The following SP3 variants were observed in gnomAD, a reference collection of about 807,000 sequenced individuals.
SP3 encodes the protein transcription factor Sp3.
In SP3, 10 loss-of-function variants were observed where a neutral mutation model predicts 70.3. The observed-to-expected ratio is 0.14, with a 90% CI of 0.09 to 0.24. SP3 has a LOEUF of 0.24. Ranked by LOEUF, SP3 falls within the 10% of genes least tolerant of loss-of-function variation. The pLI is 1.00. For missense variants in SP3, 825 were observed against 914.6 expected (o/e 0.90, Z 1.26); for synonymous variants, 402 against 333.5 (o/e 1.21, Z -2.24).
At chr2:173,917,470 T>C (rs1689642837) in intron 5 of SP3, among the ~76,000 whole-genome samples, 1 of 152,104 alleles carries the variant, frequency 6.6e-6, no homozygotes, top group South Asian at 2.1e-4. Flanking sequence ...TCAACCTCTC[T>C]ATGTCTCACT....
chr2:173,955,318 T>C lies in SP3; in HGVS notation c.1194A>G (p.Leu398=), dbSNP rs768407203. ...VSTAQPVVQH[L]QLQESQQPTS... is the part of the protein sequence containing the mutation. ...TTGGCTGCTGAGACTCTTGAAGTTG[T>C]AGATGCTGTACAACAGGCTGTGCTG... is the stretch of plus-strand genomic sequence containing the variant. The change falls in exon 4 of 7, where the codon CTA becomes CTG. Residue 398 remains leucine (L), a synonymous_variant. Transcript: ENST00000310015. The C allele has an allele frequency of 2.5e-6, 4 of 1,613,986 alleles. No homozygotes were observed. The highest frequency in any genetic ancestry group is 2.2e-5 in the South Asian group (2 of 91,088).
rs1489707697 is a variant in SP3 at position 173,902,295 on chromosome 2, GT to G, written c.*7645del. Among the ~76,000 whole-genome samples, 15 of 152,164 alleles carry G rather than the reference GT, an allele frequency of 9.9e-5. No homozygotes were observed. Among genetic ancestry groups the G allele is most frequent in the Non-Finnish European group, 8.8e-5 (6 of 67,980 alleles). On this transcript the variant is annotated 3_prime_UTR_variant, in exon 7 of 7. Transcript: ENST00000310015. ...TCAAATCCCAAAACAAAATTTCATT[GT>G]TATTCATTGGAAAAAACATATCTGC...
rs34063529 is a variant in SP3, at chr2:173,953,784, C to CA, written c.1639+1088dup. 3.1e-3 allele frequency among the ~76,000 whole-genome samples: 395 copies of CA among 125,770 alleles called. 4 individuals are homozygous for CA. Among genetic ancestry groups the CA allele is most frequent in the African/African-American group, 7.1e-3 (259 of 36,430 alleles). 82.5% of individuals were successfully genotyped at this position (125,770 alleles called of 152,430 possible). ...CTCCATCTCAAAAAACAAAACAAAA[C>CA]AAAAAAAAAAACAACTACTGCTCTA... is the stretch of plus-strand genomic sequence containing the variant. On this transcript the variant is annotated intron_variant, in intron 4 of 6. Transcript: ENST00000310015.
At position 173,928,071 on chromosome 2, in the gene SP3, TTACCG is replaced by T. The variant is rs1265688027; in HGVS notation, c.1640-9291_1640-9287del. Among the ~76,000 whole-genome samples the T allele has an allele frequency of 5.9e-5, 9 of 152,312 alleles. No individual in the cohort carries two copies. The East Asian group carries it at 1.3e-3, about 23-fold the overall frequency. On this transcript the variant is annotated intron_variant, in intron 4 of 6. Transcript: ENST00000310015. The stretch of plus-strand genomic sequence containing the variant: ...AACTCTCCATCCTCCACCTCCCAGG[TTACCG>T]TACCCATCATCCCTTCTACTGTACA...
chr2:173,943,528 A>C (rs1298082126), intron 4 of SP3, among the ~76,000 whole-genome samples: 3 of 152,192 alleles, frequency 2.0e-5, no homozygotes, highest in Non-Finnish European at 4.4e-5. Flanking sequence ...TGGGGGTCTC[A>C]CTATGTTGCC....
intron 3 of SP3, among the ~76,000 whole-genome samples, chr2:173,960,997 A>G (rs62172787): frequency 0.014 from 2,157 of 152,136 alleles, 19 homozygotes; most frequent in Non-Finnish European, 0.021. Flanking sequence ...AATAAAAATA[A>G]AAGTCACTTA....
intron 5 of SP3, 70 bp from the exon 6 acceptor site, chr2:173,913,336 T>C: frequency 1.8e-6 from 2 of 1,115,156 alleles, no homozygotes; most frequent in Non-Finnish European, 1.2e-6. Context: ...ATTTACATCA[T>C]ATATCCCCAT....
At chr2:173,948,601 T>C (rs886649585) in intron 4 of SP3, among the ~76,000 whole-genome samples, 8 of 152,202 alleles carry the variant, frequency 5.3e-5, no homozygotes, top group African/African-American at 1.9e-4. Context: ...ATATGCAGTA[T>C]AATTATGACA....
At position 173,901,892 on chromosome 2, in the gene SP3, T is replaced by C. The variant is rs534169384; in HGVS notation, c.*8049A>G. 2.6e-5 allele frequency among the ~76,000 whole-genome samples: 4 copies of C among 152,052 alleles called. No individual in the cohort carries two copies. The highest frequency in any genetic ancestry group is 4.8e-5 in the African/African-American group (2 of 41,392). The stretch of plus-strand genomic sequence containing the variant: ...AATTTTGTACTTTTCATCACCATGT[T>C]AGTCAGGCTGCTCTCGAACTGCTGA... On this transcript the variant is annotated 3_prime_UTR_variant, in exon 7 of 7. Coordinates refer to ENST00000310015, the MANE Select transcript of SP3 (RefSeq NM_003111.5).
chr2:173,913,871 G>A (rs771114405), intron 5 of SP3: 21 of 152,170 alleles, frequency 1.4e-4, no homozygotes, highest in Middle Eastern at 3.4e-3. Flanking sequence ...AGCATTAGAT[G>A]AGATAAATAC....
At chr2:173,954,807 GC>G (rs1574423701) in intron 4 of SP3, 65 bp downstream of exon 4, 6 of 1,476,568 alleles carry the variant, frequency 4.1e-6, no homozygotes, top group African/African-American at 2.8e-5. Flanking sequence ...AATACCTAAA[GC>G]AAAAAATTTC....
intron 2 of SP3, 42 bp downstream of exon 2, chr2:173,964,363 G>A (rs1164005258): frequency 3.0e-6 from 2 of 663,402 alleles, no homozygotes; most frequent in African/African-American, 1.9e-5. Context: ...AGGAGAAAGC[G>A]GCGCGAGGGG....
At chr2:173,924,832 T>C (rs1414811562) in intron 4 of SP3, among the ~76,000 whole-genome samples, 1 of 152,234 alleles carries the variant, frequency 6.6e-6, no homozygotes, top group African/African-American at 2.4e-5. Flanking sequence ...TTTAATTAAA[T>C]CAAATCAAAG....
At chr2:173,964,970 T>G in intron 1 of SP3, 195 bp downstream of exon 1, 1 of 658,752 alleles carries the variant, frequency 1.5e-6, no homozygotes, top group Non-Finnish European at 2.4e-6. Context: ...GGAGACGGCG[T>G]TGCTGGGGCT....
At chr2:173,931,346 T>G (rs1690060659) in intron 4 of SP3, among the ~76,000 whole-genome samples, 1 of 151,518 alleles carries the variant, frequency 6.6e-6, no homozygotes, top group Admixed American at 6.6e-5. Context: ...CTGGCATTTT[T>G]GTTGTTGTTG....
chr2:173,923,590 T>C lies in SP3; in HGVS notation c.1640-4805A>G, dbSNP rs919647070. On this transcript the variant is annotated intron_variant, in intron 4 of 6. Coordinates refer to ENST00000310015, the MANE Select transcript of SP3 (RefSeq NM_003111.5). Reference sequence around the variant, plus strand: ...TCAAGTCTGGAACACGCATACTTAATTTAAATAGCTAACATTAGATAAATA... The same window carrying C: ...TCAAGTCTGGAACACGCATACTTAACTTAAATAGCTAACATTAGATAAATA... Among the ~76,000 whole-genome samples the C allele has an allele frequency of 6.6e-5, 10 of 152,246 alleles. No homozygotes were observed. In the South Asian group the frequency reaches 2.1e-3, roughly 32 times the overall value.
At position 173,905,833 on chromosome 2, in the gene SP3, T is replaced by C. The variant is rs1689299338; in HGVS notation, c.*4108A>G. On this transcript the variant is annotated 3_prime_UTR_variant, in exon 7 of 7. Transcript: ENST00000310015. ...AGGCAATATAGTGAGACCCCATCTC[T>C]ACAAAACAAATTAAAATTAACTGAG... Among the ~76,000 whole-genome samples the C allele has an allele frequency of 6.6e-6, 1 of 152,136 alleles. No individual in the cohort carries two copies. Among genetic ancestry groups the C allele is most frequent in the Non-Finnish European group, 1.5e-5 (1 of 68,018 alleles).
intron 4 of SP3, among the ~76,000 whole-genome samples, chr2:173,920,788 A>T (rs1445550677): frequency 6.6e-6 from 1 of 151,810 alleles, no homozygotes; most frequent in African/African-American, 2.4e-5. Context: ...ACAGGGTTTC[A>T]CCATGTTGGC....
intron 1 of SP3, 137 bp downstream of exon 1, chr2:173,965,028 G>C: frequency 8.6e-7 from 1 of 1,164,312 alleles, no homozygotes; most frequent in Non-Finnish European, 1.2e-6. Context: ...GCGCAGGGGA[G>C]TGCAGCTTTC....
Sources: gnomAD v4.1 joint callset for allele counts (sites outside exome capture counted in the v4.1 genomes callset) on GRCh38, gnomAD v4.1.1 for gene constraint, MANE v1.5 for transcripts, NCBI Gene and HGNC (gene_info 2026-07-23, HGNC 2026-07-21) for gene names.